The following RUNX3 variants were observed in gnomAD, a reference collection of about 807,000 sequenced individuals.
RUNX3 encodes runt-related transcription factor 3.
A neutral mutation model predicts 27.7 loss-of-function variants in RUNX3; 10 were observed. That is an observed-to-expected ratio of 0.36 (90% confidence interval 0.22 to 0.61). The LOEUF (loss-of-function observed/expected upper bound fraction) is 0.61. Among genes scored for constraint, RUNX3 ranks in the 20% least tolerant of loss-of-function variants. The pLI, the probability that RUNX3 is intolerant of heterozygous loss-of-function variation, is 0.72. For missense variants in RUNX3, 469 were observed against 629.5 expected, an observed-to-expected ratio of 0.75 and a Z score of 2.73; for synonymous variants, 270 against 269.2, an observed-to-expected ratio of 1.00 and a Z score of -0.03.
At chr1:24,955,810 T>A (rs759874538) in intron 2 of RUNX3, among the ~76,000 whole-genome samples, 1 of 152,200 alleles carries the variant, frequency 6.6e-6, no homozygotes, top group Non-Finnish European at 1.5e-5. Flanking sequence ...ATCACAGGAA[T>A]GTGGCGCCCC....
chr1:24,961,570 G>A (rs1356911415), intron 2 of RUNX3: 3 of 152,240 alleles, frequency 2.0e-5, no homozygotes, highest in Non-Finnish European at 4.4e-5. Flanking sequence ...GCAGAGGCAG[G>A]TAGGGGACTG....
At chr1:24,946,900 C>T (rs563016086) in intron 2 of RUNX3, among the ~76,000 whole-genome samples, 9 of 152,326 alleles carry the variant, frequency 5.9e-5, no homozygotes, top group Admixed American at 2.0e-4. Flanking sequence ...TTCCATCCAA[C>T]GCTGAAAATA....
At chr1:24,921,060 CT>C (rs1640989932) in intron 2 of RUNX3, among the ~76,000 whole-genome samples, 1 of 152,160 alleles carries the variant, frequency 6.6e-6, no homozygotes, top group Non-Finnish European at 1.5e-5. Flanking sequence ...GTCTCGCACT[CT>C]CACCTGTACC....
intron 2 of RUNX3, among the ~76,000 whole-genome samples, chr1:24,957,088 A>G (rs773382196): frequency 1.1e-4 from 17 of 152,238 alleles, no homozygotes; most frequent in Non-Finnish European, 2.4e-4. Context: ...CCTTCAAATC[A>G]TAAGTTATAT....
chr1:24,947,775 G>C (rs1213093617), intron 2 of RUNX3, among the ~76,000 whole-genome samples: 1 of 152,208 alleles, frequency 6.6e-6, no homozygotes, highest in Non-Finnish European at 1.5e-5. Context: ...AATCCTTCTG[G>C]AGCTCCCCGC....
In RUNX3 at chr1:24,919,350, G is replaced by T. The variant is rs368628639; in HGVS notation, c.440-6C>A. 1.3e-6 allele frequency: 2 copies of T among 1,596,972 alleles called. No homozygotes were observed. The highest frequency in any genetic ancestry group is 2.3e-5 in the East Asian group (1 of 44,278). On this transcript the variant is annotated splice_region_variant and splice_polypyrimidine_tract_variant and intron_variant, in intron 2 of 4. Coordinates refer to ENST00000308873, the MANE Select transcript of RUNX3 (RefSeq NM_004350.3). Reference sequence around the variant, plus strand: ...GGTCAGGGTGAAACTCTTCCCTGGGGAGAGTGGGGAATAGAGGCAGGTGGT... The same window carrying T: ...GGTCAGGGTGAAACTCTTCCCTGGGTAGAGTGGGGAATAGAGGCAGGTGGT...
upstream of RUNX3, among the ~76,000 whole-genome samples, chr1:24,933,564 G>T (rs560448124): frequency 1.8e-3 from 273 of 152,078 alleles, 2 homozygotes; most frequent in African/African-American, 6.5e-3. Flanking sequence ...CCCTCAATTC[G>T]CCCACAGGCT....
In RUNX3 at chr1:24,902,600, G is replaced by T. The variant is rs1164196174; in HGVS notation, c.770C>A (p.Thr257Asn). ...QFDRSFPTLP[T>N]LTESRFPDPR... ...GTCTGGGAAGCGGCTCTCCGTGAGG[G>T]TTGGCAGCGTGGGGAAGGAGCGGTC... Residue 257 changes from threonine to asparagine, a missense_variant, in exon 5 of 5, where the codon ACC becomes AAC. By Grantham distance (65) the Thr-to-Asn change is moderately conservative. Transcript: ENST00000308873. This position sits in a 1 kb window ranked among gnomAD's most constrained non-coding sequence, Gnocchi z 9.2. 4 of 1,546,992 alleles carry T rather than the reference G, an allele frequency of 2.6e-6. No individual in the cohort carries two copies. The highest frequency in any genetic ancestry group is 2.4e-5 in the South Asian group (2 of 81,786).
intron 2 of RUNX3, among the ~76,000 whole-genome samples, chr1:24,953,390 G>GAAAAC (rs1641824403): frequency 3.4e-5 from 2 of 59,494 alleles, no homozygotes; most frequent in Non-Finnish European, 3.4e-5. Flanking sequence ...GAAAAGAAAA[G>GAAAAC]AAAAGAAAAA....
rs1371844006 is a variant in RUNX3 at position 24,929,703 on chromosome 1, C to A, written c.166G>T (p.Val56Leu). 2 of 1,556,746 alleles carry A rather than the reference C, an allele frequency of 1.3e-6. No individual in the cohort carries two copies. The highest frequency in any genetic ancestry group is 3.8e-5 in the Admixed American group (2 of 52,106). The change falls in exon 1 of 5, where the codon GTG becomes TTG. Residue 56 changes from valine to leucine, a missense_variant. Val to Leu is a conservative substitution (Grantham distance 32, BLOSUM62 1). Transcript: ENST00000308873. The stretch of plus-strand genomic sequence containing the variant: ...CCTGCGTGGTCCGCCAGCACGTCCA[C>A]CATCGAGCGCACCTCGGGCCGGGCG... ...GRARPEVRSMVDVLADHAGEL... is the reference protein window; with the variant it reads ...GRARPEVRSMLDVLADHAGEL...
At chr1:24,961,977 T>C (rs569840339) in intron 2 of RUNX3, 1 of 152,228 alleles carries the variant, frequency 6.6e-6, no homozygotes, top group Non-Finnish European at 1.5e-5. Flanking sequence ...GTTTTTGTCT[T>C]GCGTATAATT....
At position 24,899,593 on chromosome 1, in the gene RUNX3, T is replaced by C. The variant is rs1640496234; in HGVS notation, c.*2529A>G. On this transcript the variant is annotated 3_prime_UTR_variant, in exon 5 of 5. Coordinates refer to ENST00000308873, the MANE Select transcript of RUNX3 (RefSeq NM_004350.3). ...ACAGTTAAATAGTACAGAAGACAGTTTACTGTACAAGCAAGTTGTGCGTTA... is the reference window on the plus strand; with the variant it reads ...ACAGTTAAATAGTACAGAAGACAGTCTACTGTACAAGCAAGTTGTGCGTTA... 6.6e-6 allele frequency: 1 copy of C among 152,670 alleles called. No homozygotes were observed. The highest frequency in any genetic ancestry group is 6.5e-5 in the Admixed American group (1 of 15,270). The allele number at this position is 152,670 out of a possible 1,614,324, so 9.5% of individuals were successfully genotyped here. A position where few individuals can be genotyped will look rare whatever the true frequency, so the allele number is the denominator to read the frequency against.
At chr1:24,915,070 A>G (rs1306008430) in intron 3 of RUNX3, among the ~76,000 whole-genome samples, 1 of 152,250 alleles carries the variant, frequency 6.6e-6, no homozygotes, top group Non-Finnish European at 1.5e-5. Flanking sequence ...CCACATTCTC[A>G]GGGTCTAGCT....
chr1:24,948,530 T>C (rs2124354705), intron 2 of RUNX3, among the ~76,000 whole-genome samples: 1 of 151,306 alleles, frequency 6.6e-6, no homozygotes, highest in Middle Eastern at 3.5e-3. Context: ...GGTGGGCACA[T>C]GCAGGGAAGG....
In RUNX3 at chr1:24,904,832, C is replaced by G. The variant is rs1004779239; in HGVS notation, c.704-2166G>C. ...CCTGCCCTCAGCACTCCCTCAGACC[C>G]CCCAGCAGCTTCCTTGGAGCTCCTG... On this transcript the variant is annotated intron_variant, in intron 4 of 4. Transcript: ENST00000308873. This position sits in a 1 kb window ranked among gnomAD's most constrained non-coding sequence, Gnocchi z 5.7. Among the ~76,000 whole-genome samples the G allele has an allele frequency of 6.6e-6, 1 of 152,176 alleles. No homozygotes were observed. Among genetic ancestry groups the G allele is most frequent in the Admixed American group, 6.5e-5 (1 of 15,286 alleles).
chr1:24,964,344 A>G (rs573414638), intron 2 of RUNX3, among the ~76,000 whole-genome samples: 2 of 152,234 alleles, frequency 1.3e-5, no homozygotes, highest in East Asian at 3.9e-4. Context: ...GTTCCACGCC[A>G]AGAGACCACA....
chr1:24,940,627 C>T (rs903283135), intron 2 of RUNX3, among the ~76,000 whole-genome samples: 1 of 151,792 alleles, frequency 6.6e-6, no homozygotes, highest in Non-Finnish European at 1.5e-5. Flanking sequence ...GGCGTGGTAA[C>T]TTGTGTCTGT....
At chr1:24,945,010 T>C (rs1641570007) in intron 2 of RUNX3, among the ~76,000 whole-genome samples, 1 of 152,230 alleles carries the variant, frequency 6.6e-6, no homozygotes, top group South Asian at 2.1e-4. Context: ...GCACATTTAT[T>C]AGTGCCTGAT....
Position 24,927,660 on chromosome 1 carries a change from G to A in RUNX3, c.353C>T (p.Ser118Phe). The A allele has an allele frequency of 6.2e-7, 1 of 1,614,142 alleles. No homozygotes were observed. Among genetic ancestry groups the A allele is most frequent in the Non-Finnish European group, 8.5e-7 (1 of 1,180,022 alleles). The change falls in exon 2 of 5, where the codon TCC becomes TTC. Residue 118 changes from serine to phenylalanine, a missense_variant. Coordinates refer to ENST00000308873, the MANE Select transcript of RUNX3 (RefSeq NM_004350.3). This position sits in a 1 kb window ranked among gnomAD's most constrained non-coding sequence, Gnocchi z 5.0. Reference protein sequence around the residue: ...TVMAGNDENYSAELRNASAVM... With the variant: ...TVMAGNDENYFAELRNASAVM... The stretch of plus-strand genomic sequence containing the variant: ...GGCCGAGGCATTGCGCAGCTCAGCG[G>A]AGTAGTTCTCGTCATTGCCTGCCAT...
Sources: allele counts gnomAD v4.1 joint callset (sites outside exome capture counted in the v4.1 genomes callset), GRCh38; gene constraint gnomAD v4.1.1; non-coding constraint Gnocchi (gnomAD v3.1); transcripts MANE v1.5; gene names NCBI Gene and HGNC (gene_info 2026-07-23, HGNC 2026-07-21).